The following RARB variants were observed in gnomAD, a reference collection of about 807,000 sequenced individuals.
RARB encodes the protein HBV-activated protein.
A neutral mutation model predicts 51.9 loss-of-function variants in RARB; 17 were observed. That is an observed-to-expected ratio of 0.33 (90% CI 0.22 to 0.49). The LOEUF (loss-of-function observed/expected upper bound fraction) is 0.49, where lower values mean the gene tolerates loss of function less well. Ranked by LOEUF, RARB falls within the 20% of genes least tolerant of loss-of-function variation. The pLI is 0.99. For missense variants in RARB, 369 were observed against 550.8 expected, an observed-to-expected ratio of 0.67 and a Z score of 3.30; for synonymous variants, 215 against 195.4, an observed-to-expected ratio of 1.10 and a Z score of -0.84.
intron 5 of RARB, among the ~76,000 whole-genome samples, chr3:25,216,699 G>GT (rs552371017): frequency 0.023 from 3,283 of 145,142 alleles, 102 homozygotes; most frequent in African/African-American, 0.075. Context: ...CGTGTATCCT[G>GT]TTTTTTTTTT....
chr3:25,359,425 C>A (rs1257509883), intron 5 of RARB, among the ~76,000 whole-genome samples: 2 of 151,318 alleles, frequency 1.3e-5, no homozygotes, highest in Admixed American at 6.6e-5. Context: ...AAAAATACCA[C>A]CTCCTGGATT....
rs530846038 is a variant in RARB at position 24,948,853 on chromosome 3, A to G, written c.-380+90101A>G. Among the ~76,000 whole-genome samples, 69 of 152,204 alleles carry G rather than the reference A, an allele frequency of 4.5e-4. 1 individual carries two copies. The South Asian group carries it at 9.7e-3, about 21-fold the overall frequency. On this transcript the variant is annotated intron_variant, in intron 2 of 11. Coordinates refer to the RARB transcript ENST00000383772. ...TGCCTGCTCCCTTTTGCTTTCTGCC[A>G]TGATTGGAAGCATCCTGGGGCCCTC...
intron 5 of RARB, among the ~76,000 whole-genome samples, chr3:25,357,797 G>A (rs145020557): frequency 1.8e-4 from 27 of 150,530 alleles, no homozygotes; most frequent in African/African-American, 2.2e-4. Flanking sequence ...GTTTTTGTCC[G>A]GTCAAAGATC....
chr3:25,091,108 A>T (rs1699190503), intron 3 of RARB, among the ~76,000 whole-genome samples: 1 of 152,158 alleles, frequency 6.6e-6, no homozygotes, highest in Non-Finnish European at 1.5e-5. Context: ...TAAATGTTTC[A>T]TCAGTAGTGC....
In RARB at chr3:24,920,587, T is replaced by C. The variant is rs144713641; in HGVS notation, c.-380+61835T>C. 5.3e-5 allele frequency among the ~76,000 whole-genome samples: 8 copies of C among 152,290 alleles called. No homozygotes were observed. In the East Asian group the frequency reaches 1.5e-3, roughly 29 times the overall value. Reference sequence around the variant, plus strand: ...GATAAAGAACAAAGAGAGTGTGGCATGGCCTTGTCCAAGGTCAGAACACTT... The same window carrying C: ...GATAAAGAACAAAGAGAGTGTGGCACGGCCTTGTCCAAGGTCAGAACACTT... On this transcript the variant is annotated intron_variant, in intron 2 of 11. Coordinates refer to the RARB transcript ENST00000383772.
intron 4 of RARB, among the ~76,000 whole-genome samples, chr3:25,165,682 C>A (rs321519): frequency 0.32 from 48,960 of 151,912 alleles, 8,017 homozygotes; most frequent in South Asian, 0.45. Context: ...ACATTTATAC[C>A]TTACGTTTGG....
chr3:25,011,475 T>C (rs1007007209), intron 2 of RARB, among the ~76,000 whole-genome samples: 3 of 152,140 alleles, frequency 2.0e-5, no homozygotes, highest in Non-Finnish European at 4.4e-5. Flanking sequence ...CATCGAATTA[T>C]AGCTATATTT....
intron 5 of RARB, among the ~76,000 whole-genome samples, chr3:25,242,469 A>C (rs1702456897): frequency 6.6e-6 from 1 of 152,122 alleles, no homozygotes; most frequent in Non-Finnish European, 1.5e-5. Context: ...ATCCATCTTG[A>C]GTTAATCTTT....
At chr3:25,218,823 C>T (rs151020873) in intron 5 of RARB, among the ~76,000 whole-genome samples, 1 of 151,736 alleles carries the variant, frequency 6.6e-6, no homozygotes, top group Non-Finnish European at 1.5e-5. Flanking sequence ...GGCCTCAGAG[C>T]TGTAGAGCCA....
At chr3:25,003,511 A>G (rs1306450887) in intron 2 of RARB, among the ~76,000 whole-genome samples, 20 of 152,176 alleles carry the variant, frequency 1.3e-4, no homozygotes, top group Admixed American at 1.2e-3. Context: ...GTGATATTTC[A>G]TCTTATGACA....
Position 25,593,677 on chromosome 3 carries a change from C to A in RARB, c.961C>A (p.Leu321Ile), listed in dbSNP as rs1436425031. 2 of 1,614,060 alleles carry A rather than the reference C, an allele frequency of 1.2e-6. No homozygotes were observed. Among genetic ancestry groups the A allele is most frequent in the Non-Finnish European group, 1.7e-6 (2 of 1,179,962 alleles). ...PLEMDDTETGLLSAICLICGD... is the reference protein window; with the variant it reads ...PLEMDDTETGILSAICLICGD... ...GGAAATGGATGACACAGAAACAGGC[C>A]TTCTCAGTGCCATCTGCTTAATCTG... is the stretch of plus-strand genomic sequence containing the variant. Residue 321 changes from leucine to isoleucine, a missense_variant, in exon 6 of 8, where the codon CTT becomes ATT. By Grantham distance (5) the Leu-to-Ile change is conservative. Around this residue, in one of 9 missense-constraint regions of RARB, gnomAD observed 76 missense variants for 153.3 expected, o/e 0.50. Coordinates refer to ENST00000330688, the MANE Select transcript of RARB (RefSeq NM_000965.5).
At chr3:25,257,614 G>A (rs1702897492) in intron 5 of RARB, among the ~76,000 whole-genome samples, 1 of 152,024 alleles carries the variant, frequency 6.6e-6, no homozygotes, top group Non-Finnish European at 1.5e-5. Flanking sequence ...TGTTAATGAT[G>A]TTTAAATGGA....
intron 3 of RARB, among the ~76,000 whole-genome samples, chr3:25,501,767 A>G (rs1021023643): frequency 3.9e-5 from 6 of 152,234 alleles, no homozygotes; most frequent in African/African-American, 1.4e-4. Flanking sequence ...TAACTTGTGG[A>G]AGAAACATTT....
At chr3:25,177,283 A>G (rs1305436096) in intron 5 of RARB, among the ~76,000 whole-genome samples, 1 of 152,194 alleles carries the variant, frequency 6.6e-6, no homozygotes, top group Non-Finnish European at 1.5e-5. Flanking sequence ...AAAATTAACC[A>G]CAGACTTGGC....
chr3:25,475,283 C>T (rs1695891493), intron 2 of RARB, among the ~76,000 whole-genome samples: 1 of 151,904 alleles, frequency 6.6e-6, no homozygotes, highest in South Asian at 2.1e-4. Context: ...TTCTGTTCTC[C>T]ACTACGTACA....
At chr3:24,834,617 C>T (rs1268567323) in intron 1 of RARB, among the ~76,000 whole-genome samples, 2 of 152,112 alleles carry the variant, frequency 1.3e-5, no homozygotes, top group Admixed American at 6.5e-5. Context: ...AAGGTTTTAC[C>T]TCTCTCAAAA....
intron 1 of RARB, among the ~76,000 whole-genome samples, chr3:25,447,300 A>T (rs1050722760): frequency 1.3e-5 from 2 of 152,144 alleles, no homozygotes; most frequent in Non-Finnish European, 2.9e-5. Context: ...TTTAAAGTCA[A>T]GGCCGCCAAA....
chr3:25,154,080 T>G (rs1700336389), intron 4 of RARB, among the ~76,000 whole-genome samples: 1 of 152,242 alleles, frequency 6.6e-6, no homozygotes, highest in South Asian at 2.1e-4. Flanking sequence ...AATCACTCTC[T>G]TCTATGATTA....
chr3:25,099,011 T>C (rs1443375638), intron 3 of RARB, among the ~76,000 whole-genome samples: 3 of 152,170 alleles, frequency 2.0e-5, no homozygotes, highest in African/African-American at 7.2e-5. Context: ...CTGTGAAAGC[T>C]GGGGCTTGGG....
Sources: gnomAD v4.1 joint callset for allele counts (sites outside exome capture counted in the v4.1 genomes callset) on GRCh38, gnomAD v4.1.1 for gene constraint, gnomAD v4.1.1 regional missense constraint, MANE v1.5 for transcripts, NCBI Gene and HGNC (gene_info 2026-07-23, HGNC 2026-07-21) for gene names.